Variants in CDH18 observed in about 807,000 individuals in gnomAD.
CDH18 encodes cadherin 18, also known as cadherin-18.
Under a neutral mutation model 67.9 loss-of-function variants are expected in CDH18, and 31 were observed. That is an observed-to-expected ratio of 0.46 (90% CI 0.34 to 0.62). The LOEUF (loss-of-function observed/expected upper bound fraction) is 0.62, where lower values mean the gene tolerates loss of function less well. Among genes scored for constraint, CDH18 ranks in the 20% least tolerant of loss-of-function variants. CDH18 has a pLI of 0.01. For synonymous variants in CDH18, 362 were observed against 347.2 expected, an observed-to-expected ratio of 1.04 and a Z score of -0.48; for missense variants, 890 against 975.5, an observed-to-expected ratio of 0.91 and a Z score of 1.17.
At chr5:19,611,991 C>CA (rs1222149670) in intron 6 of CDH18, among the ~76,000 whole-genome samples, 6 of 94,648 alleles carry the variant, frequency 6.3e-5, no homozygotes, top group Non-Finnish European at 1.2e-4. Flanking sequence ...TGTGTGCATA[C>CA]ATGCATGCAT....
intron 5 of CDH18, among the ~76,000 whole-genome samples, chr5:19,613,088 T>A (rs1580494650): frequency 6.6e-6 from 1 of 152,106 alleles, no homozygotes. Context: ...GAGGTTGCAG[T>A]GAGCGGAGAT....
At chr5:19,972,600 A>G (rs928811244) in intron 2 of CDH18, among the ~76,000 whole-genome samples, 4 of 152,012 alleles carry the variant, frequency 2.6e-5, no homozygotes, top group Non-Finnish European at 5.9e-5. Flanking sequence ...ACAATGAGAT[A>G]CCACTACATA....
At position 19,730,037 on chromosome 5, in the gene CDH18, C is replaced by T. The variant is rs964185218; in HGVS notation, c.524-8571G>A. ...CTCTCTCCCTCCCACCTTCTTTCTG[C>T]TTTGGATGATGTCTCTGGCTAAGAC... is the stretch of plus-strand genomic sequence containing the variant. On this transcript the variant is annotated intron_variant, in intron 4 of 12. Coordinates refer to ENST00000382275, the MANE Select transcript of CDH18 (RefSeq NM_004934.5). Among the ~76,000 whole-genome samples, 8 of 151,862 alleles carry T rather than the reference C, an allele frequency of 5.3e-5. No individual in the cohort carries two copies. In the East Asian group the frequency reaches 1.5e-3, roughly 29 times the overall value.
At chr5:19,743,036 T>C (rs1186956321) in intron 4 of CDH18, among the ~76,000 whole-genome samples, 2 of 152,188 alleles carry the variant, frequency 1.3e-5, no homozygotes, top group Non-Finnish European at 2.9e-5. Context: ...GAAGCAAACC[T>C]TCAACAATGT....
At chr5:20,564,269 T>TTTATTTATTTATTTAC (rs1758378666) in intron 1 of CDH18, among the ~76,000 whole-genome samples, 2 of 148,840 alleles carry the variant, frequency 1.3e-5, no homozygotes, top group Admixed American at 1.3e-4. Context: ...GTTTTATTTA[T>TTTATTTATTTATTTAC]TTATTTATTT....
At chr5:19,955,432 T>A (rs1167606754) in intron 2 of CDH18, among the ~76,000 whole-genome samples, 3 of 152,134 alleles carry the variant, frequency 2.0e-5, no homozygotes, top group African/African-American at 7.2e-5. Context: ...AACAATGGAA[T>A]TCTGATAAAG....
At chr5:20,192,401 CAGTTTGTCATGA>C (rs1738616941) in intron 2 of CDH18, among the ~76,000 whole-genome samples, 1 of 151,856 alleles carries the variant, frequency 6.6e-6, no homozygotes, top group South Asian at 2.1e-4. Flanking sequence ...TTGCTTTTGG[CAGTTTGTCATGA>C]AGTCTTTGCC....
At chr5:20,419,778 T>TG (rs918817768) in intron 1 of CDH18, among the ~76,000 whole-genome samples, 16 of 150,916 alleles carry the variant, frequency 1.1e-4, no homozygotes, top group Non-Finnish European at 2.1e-4. Context: ...CGCCTGTCCC[T>TG]GGGACTCTTT....
chr5:19,569,990 T>C (rs1317161746), intron 8 of CDH18, among the ~76,000 whole-genome samples: 2 of 152,256 alleles, frequency 1.3e-5, no homozygotes, highest in South Asian at 2.1e-4. Flanking sequence ...TAAAAAAATA[T>C]TGTCAATGTT....
At chr5:20,325,090 A>G (rs1738430898) in intron 1 of CDH18, among the ~76,000 whole-genome samples, 1 of 152,228 alleles carries the variant, frequency 6.6e-6, no homozygotes, top group South Asian at 2.1e-4. Context: ...AAAGAACCGA[A>G]TGCTTTTAAG....
At chr5:20,077,824 C>T (rs570454095) in intron 2 of CDH18, among the ~76,000 whole-genome samples, 13 of 152,192 alleles carry the variant, frequency 8.5e-5, no homozygotes, top group African/African-American at 2.6e-4. Flanking sequence ...ATTTCAAATG[C>T]TTGGAAATTT....
chr5:20,018,010 G>A (rs1382598780), intron 2 of CDH18, among the ~76,000 whole-genome samples: 2 of 152,120 alleles, frequency 1.3e-5, no homozygotes, highest in African/African-American at 4.8e-5. Context: ...GTATGAGAGA[G>A]AGAAAACTAA....
At chr5:20,171,483 T>A (rs1414632275) in intron 2 of CDH18, among the ~76,000 whole-genome samples, 1 of 152,112 alleles carries the variant, frequency 6.6e-6, no homozygotes, top group African/African-American at 2.4e-5. Flanking sequence ...AGATTTTTTT[T>A]TTCATATGCT....
intron 1 of CDH18, among the ~76,000 whole-genome samples, chr5:20,326,405 C>T (rs933691487): frequency 2.0e-5 from 3 of 152,092 alleles, no homozygotes; most frequent in African/African-American, 7.2e-5. Context: ...ACCCAACTCT[C>T]TAACTACAAA....
intron 6 of CDH18, among the ~76,000 whole-genome samples, chr5:19,609,165 T>A (rs1438355748): frequency 6.6e-6 from 1 of 151,886 alleles, no homozygotes; most frequent in Non-Finnish European, 1.5e-5. Context: ...ACTAGGGAAT[T>A]TTATATCTTT....
At chr5:19,854,082 C>T (rs1784006819) in intron 2 of CDH18, among the ~76,000 whole-genome samples, 1 of 152,084 alleles carries the variant, frequency 6.6e-6, no homozygotes, top group African/African-American at 2.4e-5. Flanking sequence ...GGCTTTTAAA[C>T]ATATCACAAA....
chr5:20,482,789 C>T (rs1002106429), intron 1 of CDH18, among the ~76,000 whole-genome samples: 25 of 151,906 alleles, frequency 1.6e-4, no homozygotes, highest in African/African-American at 4.6e-4. Flanking sequence ...CAATAAAAGC[C>T]GTATTCAACA....
chr5:19,483,512 A>C lies in CDH18; in HGVS notation c.1671T>G (p.Ser557Arg), dbSNP rs778801998. 2 of 1,613,768 alleles carry C rather than the reference A, an allele frequency of 1.2e-6. No individual in the cohort carries two copies. The highest frequency in any genetic ancestry group is 2.7e-5 in the African/African-American group (2 of 74,928). ...GATAATACACATCCTGAACAGTTCG[A>C]CTAAATCTCCTCCGCCTTGTCAGAA... ...ASILTRRRRF[S>R]RTVQDVYYLP... The change falls in exon 12 of 13, where the codon AGT becomes AGG. Residue 557 changes from serine (S) to arginine (R), a missense_variant. Physicochemically the swap from Ser to Arg is moderately radical, Grantham distance 110. Around this residue, in one of 2 missense-constraint regions of CDH18, gnomAD observed 656 missense variants for 668.1 expected, o/e 0.98. Transcript: ENST00000382275.
chr5:20,283,896 A>G (rs1265344012), intron 1 of CDH18, among the ~76,000 whole-genome samples: 2 of 152,108 alleles, frequency 1.3e-5, no homozygotes, highest in African/African-American at 4.8e-5. Context: ...ACATATACAC[A>G]GTGGGGCACT....
Sources: gnomAD v4.1 joint callset for allele counts (sites outside exome capture counted in the v4.1 genomes callset) on GRCh38, gnomAD v4.1.1 for gene constraint, gnomAD v4.1.1 regional missense constraint, MANE v1.5 for transcripts, NCBI Gene and HGNC (gene_info 2026-07-23, HGNC 2026-07-21) for gene names.